The following IFT122 variants were observed in gnomAD, a reference collection of about 807,000 sequenced individuals.
IFT122 encodes the protein intraflagellar transport protein 122 homolog.
Under a neutral mutation model 161.6 loss-of-function variants are expected in IFT122, and 118 were observed. The observed-to-expected ratio is 0.73, with a 90% CI of 0.63 to 0.85. The LOEUF is 0.85. Ranked by LOEUF, IFT122 falls within the 40% of genes least tolerant of loss-of-function variation. IFT122 has a pLI of 0.00. For synonymous variants in IFT122, 550 were observed against 602.4 expected (o/e 0.91, Z 1.27); for missense variants, 1,381 against 1,579.6 (o/e 0.87, Z 2.13).
At chr3:129,447,358 T>G (rs1355605759) in intron 1 of IFT122, among the ~76,000 whole-genome samples, 1 of 152,194 alleles carries the variant, frequency 6.6e-6, no homozygotes, top group Admixed American at 6.5e-5. Context: ...TAGGTAAATT[T>G]AAACATTTTC....
chr3:129,484,690 G>A (rs1467139607), intron 15 of IFT122, among the ~76,000 whole-genome samples: 2 of 152,128 alleles, frequency 1.3e-5, no homozygotes, highest in Non-Finnish European at 2.9e-5. Context: ...TGTCTATGAA[G>A]TGCTGGCTGT....
At chr3:129,515,127 T>C (rs983930736) in intron 25 of IFT122, 3 of 419,226 alleles carry the variant, frequency 7.2e-6, no homozygotes, top group Non-Finnish European at 8.9e-6. Context: ...CACAGGTAGT[T>C]GTGAGGCTAA....
At chr3:129,461,644 C>T (rs2076224709) in intron 5 of IFT122, 1 of 407,122 alleles carries the variant, frequency 2.5e-6, no homozygotes, top group Non-Finnish European at 4.6e-6. Context: ...CCTGACTCAC[C>T]CTGGCAGAGA....
At chr3:129,514,182 T>G in intron 24 of IFT122, 1 of 697,600 alleles carries the variant, frequency 1.4e-6, no homozygotes. Flanking sequence ...ACTACGCTGT[T>G]TTTATCTTTG....
chr3:129,488,501 C>G (rs984922067), intron 16 of IFT122, 104 bp downstream of exon 16: 3 of 1,482,942 alleles, frequency 2.0e-6, no homozygotes. Flanking sequence ...CTGCAGCAGT[C>G]TCTGGAGTTA....
At chr3:129,493,874 C>G (rs1178932973) in intron 17 of IFT122, among the ~76,000 whole-genome samples, 1 of 152,302 alleles carries the variant, frequency 6.6e-6, no homozygotes, top group Non-Finnish European at 1.5e-5. Context: ...GTCCTCTCCT[C>G]GTATGCTATG....
At chr3:129,475,321 G>A (rs969134703) in intron 9 of IFT122, among the ~76,000 whole-genome samples, 1 of 152,144 alleles carries the variant, frequency 6.6e-6, no homozygotes, top group Non-Finnish European at 1.5e-5. Context: ...GAAAAGTGTA[G>A]CAGTTCCTAA....
chr3:129,520,243 G>A lies in IFT122; in HGVS notation c.3704G>A (p.Cys1235Tyr), dbSNP rs1341619349. ...GGCTGCTGCCCCTACTGCCGCAGGT[G>A]CAAGGATGACCCTGGCCCATGACCA... is the stretch of plus-strand genomic sequence containing the variant. ...QHGCCPYCRRCKDDPGP is the reference protein window; with the variant it reads ...QHGCCPYCRRYKDDPGP The change falls in exon 30 of 30, where the codon TGC (cysteine) becomes TAC (tyrosine). Residue 1235 changes from cysteine to tyrosine, a missense_variant. By Grantham distance (194) the Cys-to-Tyr change is radical. Coordinates refer to ENST00000348417, the MANE Select transcript of IFT122 (RefSeq NM_052989.3). 3 of 1,610,344 alleles carry A rather than the reference G, an allele frequency of 1.9e-6. No individual in the cohort carries two copies. Among genetic ancestry groups the A allele is most frequent in the South Asian group, 1.1e-5 (1 of 90,838 alleles).
chr3:129,461,035 A>G (rs2076162302), intron 4 of IFT122, 193 bp from the exon 5 acceptor site: 1 of 1,085,080 alleles, frequency 9.2e-7, no homozygotes, highest in Non-Finnish European at 1.4e-6. Flanking sequence ...AAATAAGAAA[A>G]CAGTGGGTGA....
At chr3:129,450,520 C>G (rs932819061) in intron 2 of IFT122, among the ~76,000 whole-genome samples, 1 of 152,118 alleles carries the variant, frequency 6.6e-6, no homozygotes, top group Non-Finnish European at 1.5e-5. Flanking sequence ...TCTCTAGATA[C>G]GCAGACTGAT....
rs72988803 is a variant in IFT122, at chr3:129,454,379, G to C, written c.193+2381G>C. On this transcript the variant is annotated intron_variant, in intron 3 of 29. Coordinates refer to ENST00000348417, the MANE Select transcript of IFT122 (RefSeq NM_052989.3). ...CCTAAAATCTGGCCTGGGTGACAGA[G>C]CTAGACTCTGTCTCTTAAAAAAAAA... Among the ~76,000 whole-genome samples the C allele has an allele frequency of 2.4e-3, 364 of 149,458 alleles. 2 individuals carry two copies. The highest frequency in any genetic ancestry group is 8.5e-3 in the African/African-American group (339 of 39,920).
At chr3:129,497,753 T>C (rs901214873) in intron 18 of IFT122, among the ~76,000 whole-genome samples, 6 of 152,206 alleles carry the variant, frequency 3.9e-5, no homozygotes, top group Non-Finnish European at 8.8e-5. Flanking sequence ...CCCCACCTGG[T>C]AGTCTGAATT....
intron 4 of IFT122, chr3:129,459,337 T>C (rs2075902907): frequency 2.2e-6 from 1 of 449,880 alleles, no homozygotes; most frequent in Admixed American, 2.4e-5. Context: ...TTGCCCAGGC[T>C]GGAGTGCAGT....
intron 25 of IFT122, chr3:129,515,264 G>A (rs918015003): frequency 3.1e-5 from 19 of 621,052 alleles, no homozygotes; most frequent in Non-Finnish European, 4.1e-5. Context: ...CTGTGCAGGT[G>A]TCTTGGGCAC....
intron 18 of IFT122, among the ~76,000 whole-genome samples, chr3:129,497,394 T>C (rs924298567): frequency 2.0e-5 from 3 of 152,214 alleles, no homozygotes; most frequent in Admixed American, 6.5e-5. Context: ...CAGATGGTAA[T>C]AGCGACAGCT....
rs911717878 is a variant in IFT122 at position 129,466,914 on chromosome 3, CAGAG to C, written c.592_595del (p.Glu198MetfsTer20). On this transcript the variant is annotated frameshift_variant, in exon 8 of 30. Coordinates refer to ENST00000348417, the MANE Select transcript of IFT122 (RefSeq NM_052989.3). LOFTEE classifies it high-confidence loss of function. ...GCCGATGGGAGAGTTTCTGGATGAA[CAGAG>C]AGAATGAGGATGCCGAGGATGTCAT... 2 of 1,614,138 alleles carry C rather than the reference CAGAG, an allele frequency of 1.2e-6. No individual in the cohort carries two copies. Among genetic ancestry groups the C allele is most frequent in the Admixed American group, 1.7e-5 (1 of 60,032 alleles).
At chr3:129,459,744 T>TCTTCCTTC (rs68095952) in intron 4 of IFT122, among the ~76,000 whole-genome samples, 11 of 98,560 alleles carry the variant, frequency 1.1e-4, no homozygotes, top group South Asian at 4.1e-4. Context: ...CTCCCTCCCT[T>TCTTCCTTC]CTTCCTTCCT....
At chr3:129,451,011 CG>C (rs1559841626) in intron 2 of IFT122, among the ~76,000 whole-genome samples, 2 of 152,020 alleles carry the variant, frequency 1.3e-5, no homozygotes, top group African/African-American at 4.8e-5. Context: ...TGAGCCACCG[CG>C]CCCGGCCAGA....
At chr3:129,518,082 T>C (rs918552604) in intron 27 of IFT122, among the ~76,000 whole-genome samples, 1 of 152,262 alleles carries the variant, frequency 6.6e-6, no homozygotes, top group Non-Finnish European at 1.5e-5. Flanking sequence ...GGTCACAGGC[T>C]GGCTCTGCCT....
Sources: allele counts gnomAD v4.1 joint callset (sites outside exome capture counted in the v4.1 genomes callset), GRCh38; gene constraint gnomAD v4.1.1; transcripts MANE v1.5; gene names NCBI Gene and HGNC (gene_info 2026-07-23, HGNC 2026-07-21).